PHLDB2: variants seen among roughly 807,000 people sequenced by gnomAD.
PHLDB2 encodes the protein pleckstrin homology-like domain family B member 2.
A neutral mutation model predicts 123.6 loss-of-function variants in PHLDB2; 71 were observed. The observed-to-expected ratio is 0.57, with a 90% CI of 0.47 to 0.70. The LOEUF (loss-of-function observed/expected upper bound fraction) is 0.70, where lower values mean the gene tolerates loss of function less well. Among genes scored for constraint, PHLDB2 ranks in the 30% least tolerant of loss-of-function variants. The probability of loss-of-function intolerance (pLI) is 0.00; values close to 1 mark genes in which losing one functional copy is unlikely to be tolerated. For missense variants in PHLDB2, 1,446 were observed against 1,519.5 expected, an observed-to-expected ratio of 0.95 and a Z score of 0.80; for synonymous variants, 547 against 541.6, an observed-to-expected ratio of 1.01 and a Z score of -0.14.
chr3:111,818,165 G>GGTGTGTGTGTGTGTGTGTGT (rs5851789), intron 1 of PHLDB2, among the ~76,000 whole-genome samples: 5 of 147,600 alleles, frequency 3.4e-5, no homozygotes, highest in African/African-American at 1.3e-4. Flanking sequence ...TTAAAAAACT[G>GGTGTGTGTGTGTGTGTGTGT]GTGTGTGTGT....
intron 2 of PHLDB2, among the ~76,000 whole-genome samples, chr3:111,907,621 A>T (rs1382058419): frequency 6.6e-6 from 1 of 151,950 alleles, no homozygotes; most frequent in Non-Finnish European, 1.5e-5. Flanking sequence ...TCACCCTCCC[A>T]AGTAGCTGGG....
At chr3:111,746,678 T>C (rs751137948) in intron 1 of PHLDB2, among the ~76,000 whole-genome samples, 8 of 152,192 alleles carry the variant, frequency 5.3e-5, no homozygotes, top group Non-Finnish European at 1.0e-4. Context: ...GGAAGGAAGA[T>C]AACTTGAGTT....
intron 1 of PHLDB2, among the ~76,000 whole-genome samples, chr3:111,819,725 C>T (rs923145244): frequency 1.3e-5 from 2 of 152,170 alleles, no homozygotes; most frequent in African/African-American, 2.4e-5. Flanking sequence ...ACCCCAGTGT[C>T]GTTTGTCCTT....
chr3:111,857,067 G>T (rs1273376019), upstream of PHLDB2, among the ~76,000 whole-genome samples: 1 of 152,040 alleles, frequency 6.6e-6, no homozygotes, highest in Non-Finnish European at 1.5e-5. Context: ...AGGCAGAGAG[G>T]GCAATTAGAA....
At chr3:111,872,249 A>G (rs2065374832) in intron 1 of PHLDB2, among the ~76,000 whole-genome samples, 1 of 152,240 alleles carries the variant, frequency 6.6e-6, no homozygotes, top group Non-Finnish European at 1.5e-5. Context: ...CCACAGTAAC[A>G]TAATGCAGGG....
At position 111,960,216 on chromosome 3, in the gene PHLDB2, TAAA is replaced by T. The variant is rs1287615356; in HGVS notation, c.2873-1887_2873-1885del. 3.5e-5 allele frequency: 27 copies of T among 778,228 alleles called. No individual in the cohort carries two copies. In the Admixed American group the frequency reaches 5.6e-4, roughly 16 times the overall value. The allele number at this position is 778,228 out of a possible 1,614,324, so 48.2% of individuals were successfully genotyped here. A position where few individuals can be genotyped will look rare whatever the true frequency, so the allele number is the denominator to read the frequency against. The stretch of plus-strand genomic sequence containing the variant: ...GAGTAATGAATTATTTCGCCTTCCT[TAAA>T]AAAAGACGCAGCTTCACGCATGTGA... On this transcript the variant is annotated intron_variant, in intron 12 of 17. Transcript: ENST00000431670.
rs575534722 is a variant in PHLDB2 at position 111,733,964 on chromosome 3, C to T, written c.-49+1261C>T. ...TCATGTAGGACAAGGTAATGTTTGA[C>T]ATTATTTTTGTCAATCAGTTGTGGA... On this transcript the variant is annotated intron_variant, in intron 1 of 17. Transcript: ENST00000393923. 2.6e-5 allele frequency among the ~76,000 whole-genome samples: 4 copies of T among 152,218 alleles called. No homozygotes were observed. In the South Asian group the frequency reaches 8.3e-4, roughly 32 times the overall value.
At chr3:111,773,436 G>A (rs536085998) in intron 1 of PHLDB2, among the ~76,000 whole-genome samples, 2 of 152,268 alleles carry the variant, frequency 1.3e-5, no homozygotes, top group South Asian at 2.1e-4. Flanking sequence ...AATAAAATCG[G>A]TGATTTGTCA....
chr3:111,842,275 C>G (rs1244421799), intron 1 of PHLDB2, among the ~76,000 whole-genome samples: 1 of 152,098 alleles, frequency 6.6e-6, no homozygotes, highest in Admixed American at 6.5e-5. Flanking sequence ...TCTTTAAAGA[C>G]TATTTTTTGG....
chr3:111,772,521 C>G (rs2108052903), intron 1 of PHLDB2, among the ~76,000 whole-genome samples: 1 of 152,218 alleles, frequency 6.6e-6, no homozygotes, highest in African/African-American at 2.4e-5. Flanking sequence ...TTTTAAAGCT[C>G]TCTCCACTCT....
At chr3:111,933,020 G>A (rs1348478469) in intron 6 of PHLDB2, among the ~76,000 whole-genome samples, 7 of 152,216 alleles carry the variant, frequency 4.6e-5, no homozygotes, top group Admixed American at 4.6e-4. Context: ...GCTTTATCAA[G>A]TTATTCTTTG....
At chr3:111,733,885 C>T (rs991388452) in intron 1 of PHLDB2, among the ~76,000 whole-genome samples, 1 of 152,130 alleles carries the variant, frequency 6.6e-6, no homozygotes, top group Non-Finnish European at 1.5e-5. Context: ...TAGTTAGAAG[C>T]CTAGTAATGC....
chr3:111,824,814 G>A (rs551917183), intron 1 of PHLDB2, among the ~76,000 whole-genome samples: 8 of 152,176 alleles, frequency 5.3e-5, no homozygotes, highest in South Asian at 2.1e-4. Flanking sequence ...CGCAAACTTC[G>A]TTGGACATTT....
At chr3:111,744,950 T>C (rs746215497) in intron 1 of PHLDB2, among the ~76,000 whole-genome samples, 2 of 152,210 alleles carry the variant, frequency 1.3e-5, no homozygotes, top group Non-Finnish European at 2.9e-5. Context: ...AATAGCACTG[T>C]CAGTTTCTGT....
At chr3:111,831,492 A>C (rs1462770678) in intron 1 of PHLDB2, among the ~76,000 whole-genome samples, 1 of 152,160 alleles carries the variant, frequency 6.6e-6, no homozygotes, top group Non-Finnish European at 1.5e-5. Flanking sequence ...ATTTAAACCC[A>C]TCTGGAGAAG....
At chr3:111,932,638 AT>A (rs371254717) in intron 6 of PHLDB2, among the ~76,000 whole-genome samples, 3,052 of 151,194 alleles carry the variant, frequency 0.02, 102 homozygotes, top group African/African-American at 0.068. Context: ...TTCTGGAGTC[AT>A]TTTTTTTTGT....
In PHLDB2 at chr3:111,976,506, T is replaced by C. The variant is rs912638511; in HGVS notation, c.*1943T>C. ...CTGTTTACACAGATACATTTATTGC[T>C]GGGGATTGCAAGGAGTGTGTTTACT... On this transcript the variant is annotated 3_prime_UTR_variant, in exon 18 of 18. Transcript: ENST00000431670. 7 of 152,192 alleles carry C rather than the reference T, an allele frequency of 4.6e-5. No homozygotes were observed. The highest frequency in any genetic ancestry group is 1.0e-4 in the Non-Finnish European group (7 of 68,040). The allele number at this position is 152,192 out of a possible 1,614,324, so 9.4% of individuals were successfully genotyped here.
rs368367287 is a variant in PHLDB2 at position 111,939,564 on chromosome 3, G to A, written c.2220G>A (p.Lys740=). Residue 740 remains lysine (K), a synonymous_variant, in exon 7 of 18, where the codon AAG becomes AAA. Coordinates refer to ENST00000431670, the MANE Select transcript of PHLDB2 (RefSeq NM_001134438.2). ...LEHESRLDEE[K]ENLTQQLLRE... is the part of the protein sequence containing the mutation. ...ATGAGAGCCGTCTAGATGAAGAAAA[G>A]GAGAACTTGACTCAACAGCTCCTGC... 18 of 1,613,832 alleles carry A rather than the reference G, an allele frequency of 1.1e-5. No homozygotes were observed. The highest frequency in any genetic ancestry group is 1.1e-5 in the South Asian group (1 of 91,058).
rs1238942862 is a variant in PHLDB2, at chr3:111,952,819, T to TA, written c.2772+108dup. 32 of 1,299,928 alleles carry TA rather than the reference T, an allele frequency of 2.5e-5. No homozygotes were observed. The East Asian group carries it at 7.4e-4, about 30-fold the overall frequency. 80.5% of individuals were successfully genotyped at this position (1,299,928 alleles called of 1,614,324 possible). A position where few individuals can be genotyped will look rare whatever the true frequency, so the allele number is the denominator to read the frequency against. ...AGAAAAGTGCTAAATAATAAATCAT[T>TA]ACATTTACTTGTTAGGCAGACATCA... On this transcript the variant is annotated intron_variant, in intron 11 of 17. Transcript: ENST00000431670.
Sources: gnomAD v4.1 joint callset for allele counts (sites outside exome capture counted in the v4.1 genomes callset) on GRCh38, gnomAD v4.1.1 for gene constraint, MANE v1.5 for transcripts, NCBI Gene and HGNC (gene_info 2026-07-23, HGNC 2026-07-21) for gene names.